The following GPRIN3 variants were observed in gnomAD, a reference collection of about 807,000 sequenced individuals.
GPRIN3 encodes G protein-regulated inducer of neurite outgrowth 3.
In GPRIN3, 12 loss-of-function variants were observed where a neutral mutation model predicts 13.7. The ratio of observed to expected loss-of-function variants is 0.87; its 90% CI spans 0.56 to 1.42. GPRIN3 has a LOEUF of 1.42. GPRIN3 is among the 40% of genes most tolerant of loss of function. The pLI, the probability that GPRIN3 is intolerant of heterozygous loss-of-function variation, is 0.00. For synonymous variants in GPRIN3, 377 were observed against 372.7 expected (o/e 1.01, Z -0.13); for missense variants, 1,009 against 958.7 (o/e 1.05, Z -0.69).
intron 1 of GPRIN3, among the ~76,000 whole-genome samples, chr4:89,292,023 A>G (rs1410050446): frequency 2.6e-5 from 4 of 152,008 alleles, no homozygotes; most frequent in Non-Finnish European, 5.9e-5. Flanking sequence ...GGTAAGGAAA[A>G]ACTCTTAGTC....
In GPRIN3 at chr4:89,239,456, T is replaced by TA. The variant is rs1175577241; in HGVS notation, c.*8323dup. 1 of 152,196 alleles carries TA rather than the reference T, an allele frequency of 6.6e-6. No homozygotes were observed. Among genetic ancestry groups the TA allele is most frequent in the South Asian group, 2.1e-4 (1 of 4,834 alleles). The allele number at this position is 152,196 out of a possible 1,614,324, so 9.4% of individuals were successfully genotyped here. Reference sequence around the variant, plus strand: ...TATAAACATGTATACTTTTATTAGTTAAAAAACACTGCCACTCTAGTTGTA... The same window carrying TA: ...TATAAACATGTATACTTTTATTAGTTAAAAAAACACTGCCACTCTAGTTGTA... On this transcript the variant is annotated 3_prime_UTR_variant, in exon 2 of 2. Coordinates refer to ENST00000609438, the MANE Select transcript of GPRIN3 (RefSeq NM_198281.3).
intron 1 of GPRIN3, among the ~76,000 whole-genome samples, chr4:89,288,057 C>T (rs921790709): frequency 1.3e-5 from 2 of 152,154 alleles, no homozygotes; most frequent in Non-Finnish European, 2.9e-5. Flanking sequence ...AATGTACTGT[C>T]TAATTTCGGT....
At chr4:89,274,427 C>T (rs918285230) in intron 1 of GPRIN3, among the ~76,000 whole-genome samples, 2 of 152,032 alleles carry the variant, frequency 1.3e-5, no homozygotes, top group African/African-American at 2.4e-5. Context: ...GGGTTCGTGA[C>T]GTCAAAATTT....
chr4:89,257,902 AT>A (rs1578080870), intron 1 of GPRIN3, among the ~76,000 whole-genome samples: 1 of 152,120 alleles, frequency 6.6e-6, no homozygotes, highest in Non-Finnish European at 1.5e-5. Flanking sequence ...CAGTTTGGAC[AT>A]TTTAAGAGCC....
At position 89,247,795 on chromosome 4, in the gene GPRIN3, AG is replaced by A; in HGVS notation, c.2315del (p.Ser772PhefsTer4). ...RPNCCVRPAP[S>X]SVLD ...ATACTCCCTTTCAATCTAACACAGA[AG>A]ACGGGGCAGGACGGACGCAGCAGTT... On this transcript the variant is annotated frameshift_variant, in exon 2 of 2. Coordinates refer to ENST00000609438, the MANE Select transcript of GPRIN3 (RefSeq NM_198281.3). LOFTEE classifies it high-confidence loss of function. 1 of 1,610,238 alleles carries A rather than the reference AG, an allele frequency of 6.2e-7. No homozygotes were observed. Among genetic ancestry groups the A allele is most frequent in the Non-Finnish European group, 8.5e-7 (1 of 1,177,296 alleles).
intron 1 of GPRIN3, among the ~76,000 whole-genome samples, chr4:89,301,859 TCCC>T (rs1363038921): frequency 6.6e-6 from 1 of 152,132 alleles, no homozygotes; most frequent in Non-Finnish European, 1.5e-5. Flanking sequence ...AATGCTGAGG[TCCC>T]CAGAGATGCC....
chr4:89,296,837 C>A (rs967742738), intron 1 of GPRIN3, among the ~76,000 whole-genome samples: 1 of 152,178 alleles, frequency 6.6e-6, no homozygotes. Context: ...AAAATTTTAA[C>A]CTAAAATATC....
At chr4:89,267,444 C>A (rs558565156) in intron 1 of GPRIN3, among the ~76,000 whole-genome samples, 1 of 152,246 alleles carries the variant, frequency 6.6e-6, no homozygotes, top group South Asian at 2.1e-4. Flanking sequence ...TGGGATTAGA[C>A]CTGCCTCGGT....
chr4:89,301,346 G>T (rs1724891844), intron 1 of GPRIN3, among the ~76,000 whole-genome samples: 1 of 152,202 alleles, frequency 6.6e-6, no homozygotes, highest in Non-Finnish European at 1.5e-5. Flanking sequence ...GTTATATTCA[G>T]CATATCTGTC....
Position 89,249,065 on chromosome 4 carries a change from G to A in GPRIN3, c.1046C>T (p.Ala349Val), listed in dbSNP as rs1723219659. The change falls in exon 2 of 2, where the codon GCT (alanine) becomes GTT (valine). Residue 349 changes from alanine to valine, a missense_variant. Physicochemically the swap from Ala to Val is moderately conservative, Grantham distance 64. Coordinates refer to ENST00000609438, the MANE Select transcript of GPRIN3 (RefSeq NM_198281.3). ...ILTAFLKESR[A>V]PEHFEQEQLR... ...CTGCTCTTGTTCAAAATGCTCAGGAGCACGGCTTTCCTTCAGAAATGCAGT... is the reference window on the plus strand; with the variant it reads ...CTGCTCTTGTTCAAAATGCTCAGGAACACGGCTTTCCTTCAGAAATGCAGT... The A allele has an allele frequency of 6.2e-7, 1 of 1,614,104 alleles. No individual in the cohort carries two copies. Among genetic ancestry groups the A allele is most frequent in the Non-Finnish European group, 8.5e-7 (1 of 1,180,044 alleles).
At chr4:89,291,817 GGTACTGTCA>G (rs1262869593) in intron 1 of GPRIN3, among the ~76,000 whole-genome samples, 1 of 138,802 alleles carries the variant, frequency 7.2e-6, no homozygotes, top group East Asian at 2.1e-4. Context: ...ACCAACACTT[GGTACTGTCA>G]GGGCTTTTTT....
At chr4:89,256,446 G>GAC (rs1723467786) in intron 1 of GPRIN3, among the ~76,000 whole-genome samples, 1 of 152,176 alleles carries the variant, frequency 6.6e-6, no homozygotes, top group South Asian at 2.1e-4. Context: ...TTTCATAACA[G>GAC]ACACCTGCAC....
chr4:89,296,275 C>G (rs1724731289), intron 1 of GPRIN3, among the ~76,000 whole-genome samples: 2 of 152,008 alleles, frequency 1.3e-5, no homozygotes, highest in Non-Finnish European at 2.9e-5. Flanking sequence ...AAAAAAAAAT[C>G]AATTGCTAAT....
chr4:89,275,170 G>C (rs933250766), intron 1 of GPRIN3, among the ~76,000 whole-genome samples: 41 of 145,118 alleles, frequency 2.8e-4, no homozygotes, highest in Non-Finnish European at 1.7e-4. Flanking sequence ...CCACGCGCAT[G>C]TGCACAGTGT....
At chr4:89,296,633 ATG>A (rs979212753) in intron 1 of GPRIN3, among the ~76,000 whole-genome samples, 48 of 68,740 alleles carry the variant, frequency 7.0e-4, no homozygotes, top group Non-Finnish European at 1.6e-3. Context: ...ATAAAGACAC[ATG>A]TTTGTTTTTT....
chr4:89,269,926 A>C (rs1723882071), intron 1 of GPRIN3, among the ~76,000 whole-genome samples: 1 of 152,224 alleles, frequency 6.6e-6, no homozygotes, highest in Non-Finnish European at 1.5e-5. Context: ...ATGTCCTTTT[A>C]ACTTAAAATA....
At chr4:89,305,666 A>C (rs1725014790) in intron 1 of GPRIN3, among the ~76,000 whole-genome samples, 1 of 152,232 alleles carries the variant, frequency 6.6e-6, no homozygotes, top group Admixed American at 6.5e-5. Flanking sequence ...TGCAACTGGA[A>C]ATTCAAACAG....
chr4:89,290,622 C>G (rs977495037), intron 1 of GPRIN3, among the ~76,000 whole-genome samples: 4 of 152,038 alleles, frequency 2.6e-5, no homozygotes, highest in African/African-American at 9.7e-5. Context: ...GAGGAAACGT[C>G]GATTATAGGA....
chr4:89,267,087 T>C (rs1311641610), intron 1 of GPRIN3, among the ~76,000 whole-genome samples: 1 of 152,208 alleles, frequency 6.6e-6, no homozygotes, highest in Non-Finnish European at 1.5e-5. Flanking sequence ...CTTTTGTATT[T>C]GAAAAACTCT....
Sources: allele counts gnomAD v4.1 joint callset (sites outside exome capture counted in the v4.1 genomes callset), GRCh38; gene constraint gnomAD v4.1.1; transcripts MANE v1.5; gene names NCBI Gene and HGNC (gene_info 2026-07-23, HGNC 2026-07-21).